Variants in SYNPO2 observed in about 807,000 individuals in gnomAD.
The protein encoded by SYNPO2 is synaptopodin-2.
In SYNPO2, 56 loss-of-function variants were observed where a neutral mutation model predicts 85.0. That is an observed-to-expected ratio of 0.66 (90% CI 0.53 to 0.82). The LOEUF is 0.82. Ranked by LOEUF, SYNPO2 falls within the 40% of genes least tolerant of loss-of-function variation. The pLI, the probability that SYNPO2 is intolerant of heterozygous loss-of-function variation, is 0.00. For missense variants in SYNPO2, 1,575 were observed against 1,534.2 expected (o/e 1.03, Z -0.44); for synonymous variants, 602 against 591.1 (o/e 1.02, Z -0.27).
At chr4:118,913,563 T>TG (rs1733209725) in intron 1 of SYNPO2, among the ~76,000 whole-genome samples, 2 of 147,272 alleles carry the variant, frequency 1.4e-5, no homozygotes, top group South Asian at 2.2e-4. Context: ...CATTTATTGT[T>TG]TGTGTGTGTG....
At chr4:118,986,945 G>A (rs1041607521) in intron 1 of SYNPO2, among the ~76,000 whole-genome samples, 4 of 152,166 alleles carry the variant, frequency 2.6e-5, no homozygotes, top group Admixed American at 2.6e-4. Context: ...AATTCTAGTG[G>A]ATCACCATTG....
Position 119,057,905 on chromosome 4 carries a change from C to A in SYNPO2, c.3757C>A (p.His1253Asn). The A allele has an allele frequency of 6.2e-7, 1 of 1,613,826 alleles. No homozygotes were observed. Residue 1253 changes from histidine to asparagine, a missense_variant, in exon 5 of 5, where the codon CAC (histidine) becomes AAC (asparagine). Around this residue, in one of 3 missense-constraint regions of SYNPO2, gnomAD observed 1,508 missense variants for 1,446.8 expected, o/e 1.04. Coordinates refer to ENST00000307142, the MANE Select transcript of SYNPO2 (RefSeq NM_133477.3). ...LPVADYNYNP[H>N]PRGWRRQT ...AGTAGCTGATTACAACTACAACCCA[C>A]ACCCAAGGGGATGGAGACGCCAAAC...
chr4:118,953,903 G>A (rs1477020350), intron 1 of SYNPO2, among the ~76,000 whole-genome samples: 1 of 152,138 alleles, frequency 6.6e-6, no homozygotes, highest in Non-Finnish European at 1.5e-5. Flanking sequence ...GCTTGGTGAG[G>A]AATAGATCAG....
chr4:118,979,750 C>T (rs886236888), intron 1 of SYNPO2, among the ~76,000 whole-genome samples: 1 of 152,176 alleles, frequency 6.6e-6, no homozygotes, highest in Non-Finnish European at 1.5e-5. Flanking sequence ...ATTCATATAA[C>T]CAGGAATTAT....
chr4:119,002,484 C>A (rs189707287), intron 1 of SYNPO2, among the ~76,000 whole-genome samples: 1 of 152,268 alleles, frequency 6.6e-6, no homozygotes, highest in East Asian at 1.9e-4. Flanking sequence ...TGGTCTCGAT[C>A]TCCTGACCTT....
intron 1 of SYNPO2, among the ~76,000 whole-genome samples, chr4:118,919,670 C>T (rs954252420): frequency 2.0e-5 from 3 of 152,160 alleles, no homozygotes; most frequent in South Asian, 2.1e-4. Context: ...GGAGAGAGAT[C>T]GGAAAGTTTT....
chr4:118,851,155 C>T (rs1287298176), intron 1 of SYNPO2, among the ~76,000 whole-genome samples: 2 of 152,188 alleles, frequency 1.3e-5, no homozygotes, highest in Admixed American at 6.5e-5. Flanking sequence ...ACTGTTATCA[C>T]GATCTTTCTT....
intron 1 of SYNPO2, among the ~76,000 whole-genome samples, chr4:118,897,538 C>G (rs1216645544): frequency 2.0e-5 from 3 of 152,080 alleles, no homozygotes; most frequent in East Asian, 3.9e-4. Context: ...TCATTTAACC[C>G]CAAATATCTT....
chr4:118,993,950 T>C (rs566368407), intron 1 of SYNPO2, among the ~76,000 whole-genome samples: 4 of 152,366 alleles, frequency 2.6e-5, no homozygotes, highest in African/African-American at 7.2e-5. Context: ...AGAAGAGACA[T>C]AGGCTTAAGC....
chr4:119,000,678 C>T (rs917234555), intron 1 of SYNPO2, among the ~76,000 whole-genome samples: 1 of 152,172 alleles, frequency 6.6e-6, no homozygotes, highest in East Asian at 1.9e-4. Flanking sequence ...ATGACCTCAT[C>T]GCTATCTGAG....
intron 4 of SYNPO2, chr4:119,036,336 C>T (rs1578667931): frequency 1.0e-6 from 1 of 985,330 alleles, no homozygotes; most frequent in Non-Finnish European, 1.2e-6. Flanking sequence ...TATATAAATT[C>T]TAAGAACCAA....
chr4:118,869,549 T>C (rs7659045), intron 1 of SYNPO2, among the ~76,000 whole-genome samples: 84,239 of 151,996 alleles, frequency 0.55, 26,641 homozygotes, highest in Admixed American at 0.69. Context: ...AGGGCCATGA[T>C]TGCATTCAGT....
chr4:119,033,082 A>G (rs1561011413), intron 4 of SYNPO2: 1 of 985,428 alleles, frequency 1.0e-6, no homozygotes, highest in East Asian at 1.1e-4. Flanking sequence ...ATAAAGGTGT[A>G]CATGGCTATT....
chr4:118,904,963 A>T (rs1732885085), intron 1 of SYNPO2, among the ~76,000 whole-genome samples: 1 of 152,200 alleles, frequency 6.6e-6, no homozygotes, highest in African/African-American at 2.4e-5. Context: ...AAATGCAGTG[A>T]TCCATTTTCA....
intron 1 of SYNPO2, among the ~76,000 whole-genome samples, chr4:118,929,773 G>T (rs56777348): frequency 6.6e-6 from 1 of 152,062 alleles, no homozygotes; most frequent in East Asian, 1.9e-4. Flanking sequence ...ATCATAGATC[G>T]ATTGGTCTGG....
At chr4:119,027,510 G>A in intron 3 of SYNPO2, 72 bp downstream of exon 3, 1 of 1,350,376 alleles carries the variant, frequency 7.4e-7, no homozygotes, top group Admixed American at 2.8e-5. Flanking sequence ...GCTTGCATGA[G>A]TTTTTCAGCA....
intron 1 of SYNPO2, among the ~76,000 whole-genome samples, chr4:118,871,762 G>T (rs1425473236): frequency 6.6e-6 from 1 of 152,084 alleles, no homozygotes; most frequent in African/African-American, 2.4e-5. Flanking sequence ...GTAGAGGCGG[G>T]GTTTCACATT....
chr4:118,958,282 TG>T (rs1734950201), intron 1 of SYNPO2, among the ~76,000 whole-genome samples: 1 of 152,098 alleles, frequency 6.6e-6, no homozygotes, highest in African/African-American at 2.4e-5. Context: ...ATGTTGGGGT[TG>T]GGGGCGGGGT....
chr4:118,885,964 A>C (rs2149111678), upstream of SYNPO2, among the ~76,000 whole-genome samples: 2 of 152,346 alleles, frequency 1.3e-5, no homozygotes, highest in East Asian at 3.9e-4. Flanking sequence ...TCAGTAAAAG[A>C]GAAACACTAA....
Sources: allele counts gnomAD v4.1 joint callset (sites outside exome capture counted in the v4.1 genomes callset), GRCh38; gene constraint gnomAD v4.1.1; regional missense constraint gnomAD v4.1.1; transcripts MANE v1.5; gene names NCBI Gene and HGNC (gene_info 2026-07-23, HGNC 2026-07-21).